The following PTPRM variants were observed in gnomAD, a reference collection of about 807,000 sequenced individuals.
PTPRM encodes the protein protein tyrosine phosphatase receptor type M.
A neutral mutation model predicts 186.7 loss-of-function variants in PTPRM; 47 were observed. The ratio of observed to expected loss-of-function variants is 0.25; its 90% confidence interval spans 0.20 to 0.32. The LOEUF (loss-of-function observed/expected upper bound fraction) is 0.32, where lower values mean the gene tolerates loss of function less well. PTPRM is among the 10% of genes least tolerant of loss of function. PTPRM has a pLI of 1.00. For missense variants in PTPRM, 1,494 were observed against 1,865.0 expected, an observed-to-expected ratio of 0.80 and a Z score of 3.66; for synonymous variants, 668 against 674.9, an observed-to-expected ratio of 0.99 and a Z score of 0.16.
chr18:7,794,520 C>T (rs1598745659), intron 2 of PTPRM, among the ~76,000 whole-genome samples: 1 of 152,046 alleles, frequency 6.6e-6, no homozygotes, highest in African/African-American at 2.4e-5. Context: ...GACAAGAGGA[C>T]CATAGGGCCC....
At chr18:8,133,342 C>T (rs2092559591) in intron 13 of PTPRM, among the ~76,000 whole-genome samples, 1 of 152,182 alleles carries the variant, frequency 6.6e-6, no homozygotes, top group Admixed American at 6.5e-5. Context: ...CTCAGTGGAG[C>T]TCATGTTCAA....
At chr18:7,770,032 T>TA (rs1341116526) in intron 1 of PTPRM, among the ~76,000 whole-genome samples, 1 of 152,200 alleles carries the variant, frequency 6.6e-6, no homozygotes, top group Non-Finnish European at 1.5e-5. Flanking sequence ...ATGAATAATT[T>TA]ACTTTGATTT....
At chr18:7,735,459 A>C (rs1015085920) in intron 1 of PTPRM, among the ~76,000 whole-genome samples, 2 of 152,128 alleles carry the variant, frequency 1.3e-5, no homozygotes, top group Non-Finnish European at 2.9e-5. Context: ...ATTAAAACAG[A>C]GATCTTAAGA....
intron 7 of PTPRM, among the ~76,000 whole-genome samples, chr18:7,990,614 A>T (rs2083216185): frequency 6.6e-6 from 1 of 152,194 alleles, no homozygotes; most frequent in Non-Finnish European, 1.5e-5. Context: ...AAAGGATGGC[A>T]ATGCTGATTG....
At chr18:8,077,105 G>T (rs891089104) in intron 9 of PTPRM, among the ~76,000 whole-genome samples, 1 of 152,134 alleles carries the variant, frequency 6.6e-6, no homozygotes, top group Admixed American at 6.5e-5. Context: ...TAGCAGAGAA[G>T]AATTTGATGA....
At chr18:7,922,083 A>G (rs545568023) in intron 4 of PTPRM, among the ~76,000 whole-genome samples, 9 of 152,180 alleles carry the variant, frequency 5.9e-5, no homozygotes, top group Admixed American at 2.0e-4. Flanking sequence ...CTGCTAGGTT[A>G]CTGCCTAATT....
intron 6 of PTPRM, among the ~76,000 whole-genome samples, chr18:7,954,031 G>A (rs1270791326): frequency 5.9e-5 from 9 of 152,052 alleles, no homozygotes; most frequent in Non-Finnish European, 8.8e-5. Flanking sequence ...GATTTATGCC[G>A]GTAGAAATAC....
At chr18:7,660,551 G>A (rs763370506) in intron 1 of PTPRM, among the ~76,000 whole-genome samples, 30 of 152,190 alleles carry the variant, frequency 2.0e-4, no homozygotes, top group Admixed American at 6.5e-4. Flanking sequence ...CTCAGCCTCC[G>A]GGAGTCTGCT....
At chr18:7,748,074 C>T (rs961479077) in intron 1 of PTPRM, among the ~76,000 whole-genome samples, 1 of 152,122 alleles carries the variant, frequency 6.6e-6, no homozygotes, top group African/African-American at 2.4e-5. Context: ...ACGTGGCCCC[C>T]CACCACAAGG....
At chr18:8,280,612 A>C (rs1220894131) in intron 19 of PTPRM, among the ~76,000 whole-genome samples, 1 of 152,148 alleles carries the variant, frequency 6.6e-6, no homozygotes, top group Non-Finnish European at 1.5e-5. Flanking sequence ...AATGTAAATA[A>C]TTTACATTAA....
intron 2 of PTPRM, among the ~76,000 whole-genome samples, chr18:7,829,429 G>T (rs909701174): frequency 1.3e-5 from 2 of 152,092 alleles, no homozygotes; most frequent in Admixed American, 6.6e-5. Context: ...GAGATGGGTG[G>T]CCAAAACTAG....
chr18:8,377,195 AT>A (rs1457002448), intron 26 of PTPRM: 1 of 152,228 alleles, frequency 6.6e-6, no homozygotes, highest in East Asian at 1.9e-4. Flanking sequence ...TTTTACTCAT[AT>A]TTGATTGTTT....
chr18:7,800,707 T>C (rs928518486), intron 2 of PTPRM, among the ~76,000 whole-genome samples: 2 of 152,192 alleles, frequency 1.3e-5, no homozygotes, highest in Non-Finnish European at 2.9e-5. Context: ...GAGAAATGCA[T>C]TGTTCAGGCA....
intron 3 of PTPRM, among the ~76,000 whole-genome samples, chr18:7,897,588 A>G (rs1340187892): frequency 6.6e-6 from 1 of 152,168 alleles, no homozygotes; most frequent in Non-Finnish European, 1.5e-5. Context: ...AAGTAGAACA[A>G]TTTGCGTGAT....
At chr18:8,064,497 C>T (rs1009868216) in intron 7 of PTPRM, among the ~76,000 whole-genome samples, 1 of 152,074 alleles carries the variant, frequency 6.6e-6, no homozygotes, top group South Asian at 2.1e-4. Context: ...AGATTGTTTC[C>T]AAGGGCATTT....
intron 7 of PTPRM, among the ~76,000 whole-genome samples, chr18:8,039,503 T>C (rs1330710982): frequency 5.9e-5 from 9 of 152,208 alleles, no homozygotes; most frequent in Admixed American, 5.9e-4. Flanking sequence ...ATGTGGTATT[T>C]GATACCTGCT....
In PTPRM at chr18:7,864,292, A is replaced by G. The variant is rs561829011; in HGVS notation, c.197-23814A>G. Among the ~76,000 whole-genome samples, 4 of 152,274 alleles carry G rather than the reference A, an allele frequency of 2.6e-5. No homozygotes were observed. The South Asian group carries it at 8.3e-4, about 32-fold the overall frequency. On this transcript the variant is annotated intron_variant, in intron 2 of 32. Transcript: ENST00000580170. ...TGCCCATGCATATGTCCTGAATGGTATTGACTAGGTTTTCTTCTAGGATTT... is the reference window on the plus strand; with the variant it reads ...TGCCCATGCATATGTCCTGAATGGTGTTGACTAGGTTTTCTTCTAGGATTT...
chr18:7,840,092 G>A (rs1843841578), intron 2 of PTPRM, among the ~76,000 whole-genome samples: 1 of 137,860 alleles, frequency 7.3e-6, no homozygotes, highest in South Asian at 2.9e-4. Flanking sequence ...GGAGGTGGGG[G>A]GGGAGGGCAG....
chr18:7,608,165 T>A (rs543018467), intron 1 of PTPRM, among the ~76,000 whole-genome samples: 1 of 152,340 alleles, frequency 6.6e-6, no homozygotes, highest in East Asian at 1.9e-4. Flanking sequence ...TAGGCTGTTT[T>A]AGAGACGACA....
Sources: allele counts gnomAD v4.1 joint callset (sites outside exome capture counted in the v4.1 genomes callset), GRCh38; gene constraint gnomAD v4.1.1; transcripts MANE v1.5; gene names NCBI Gene and HGNC (gene_info 2026-07-23, HGNC 2026-07-21).